ZNF514: variants seen among roughly 807,000 people sequenced by gnomAD.
The protein encoded by ZNF514 is zinc finger protein 514.
ZNF514 carries 12 observed loss-of-function variants against 9.7 expected under a neutral mutation model. That is an observed-to-expected ratio of 1.24 (90% CI 0.79 to 2.01). ZNF514 has a LOEUF of 2.01. Among genes scored for constraint, ZNF514 ranks in the 30% most tolerant of loss-of-function variants. The pLI is 0.00. For synonymous variants in ZNF514, 158 were observed against 163.7 expected (o/e 0.97, Z 0.27); for missense variants, 467 against 465.5 (o/e 1.00, Z -0.03).
At chr2:95,131,274 G>T in the ZNF514 span, among the ~76,000 whole-genome samples, 7 of 152,168 alleles carry the variant, frequency 4.6e-5, no homozygotes, top group Non-Finnish European at 1.0e-4. Context: ...TCATGGATAA[G>T]AATCAAGCAA....
chr2:95,126,060 GTA>G, the ZNF514 span, among the ~76,000 whole-genome samples: 1 of 152,176 alleles, frequency 6.6e-6, no homozygotes, highest in Non-Finnish European at 1.5e-5. Flanking sequence ...TGTGTGGTAA[GTA>G]TATGTTTAGT....
chr2:95,149,917 C>T lies in ZNF514; in HGVS notation c.568G>A (p.Gly190Arg). 1.9e-6 allele frequency: 3 copies of T among 1,614,228 alleles called. No homozygotes were observed. The highest frequency in any genetic ancestry group is 2.5e-6 in the Non-Finnish European group (3 of 1,180,042). Residue 190 changes from glycine to arginine, a missense_variant, in exon 5 of 5, where the codon GGG (glycine) becomes AGG (arginine). Coordinates refer to ENST00000295208, the MANE Select transcript of ZNF514 (RefSeq NM_032788.3). Reference sequence around the variant, plus strand: ...TGGGTTCTCTGAGAGTTGTTTCCCCCTAAAGTCTGCCTGAATTCTGTATCA... The same window carrying T: ...TGGGTTCTCTGAGAGTTGTTTCCCCTTAAAGTCTGCCTGAATTCTGTATCA... ...KCDTEFRQTL[G>R]GNNSQRTHPE...
chr2:95,138,959 G>A, the ZNF514 span, among the ~76,000 whole-genome samples: 1 of 152,366 alleles, frequency 6.6e-6, no homozygotes, highest in African/African-American at 2.4e-5. Context: ...TCAGGACAGT[G>A]CTGCCTATAT....
the ZNF514 span, among the ~76,000 whole-genome samples, chr2:95,130,578 C>G: frequency 6.6e-6 from 1 of 152,216 alleles, no homozygotes; most frequent in African/African-American, 2.4e-5. Flanking sequence ...TGTGCATTCT[C>G]TTTCTCAGGG....
chr2:95,137,419 T>C, the ZNF514 span, among the ~76,000 whole-genome samples: 4 of 152,224 alleles, frequency 2.6e-5, no homozygotes, highest in Non-Finnish European at 5.9e-5. Flanking sequence ...ATATTATCCA[T>C]TATGGTACAT....
the ZNF514 span, among the ~76,000 whole-genome samples, chr2:95,136,971 T>C: frequency 3.9e-5 from 6 of 152,118 alleles, no homozygotes; most frequent in Admixed American, 6.6e-5. Context: ...GACTTTAGGG[T>C]ACTCTAAAAA....
intron 2 of ZNF514, chr2:95,153,680 G>C (rs1326149593): frequency 6.5e-6 from 1 of 154,888 alleles, no homozygotes; most frequent in Admixed American, 6.3e-5. Flanking sequence ...CGTTTGACTA[G>C]CATGATCCTT....
the ZNF514 span, among the ~76,000 whole-genome samples, chr2:95,123,278 T>C: frequency 6.6e-6 from 1 of 152,212 alleles, no homozygotes; most frequent in Admixed American, 6.5e-5. Context: ...CTGAAGTCCA[T>C]CCACATACCT....
At position 95,150,185 on chromosome 2, in the gene ZNF514, CACT is replaced by C; in HGVS notation, c.297_299del (p.Val100del). 6.2e-7 allele frequency: 1 copy of C among 1,608,580 alleles called. No homozygotes were observed. The highest frequency in any genetic ancestry group is 8.5e-7 in the Non-Finnish European group (1 of 1,179,870). ...GCAGCACATCTTGAATGTGTTTTTC[CACT>C]GATACTACCTGGAATAATTCTTCTT... On this transcript the variant is annotated inframe_deletion, in exon 5 of 5. Transcript: ENST00000295208.
chr2:95,157,730 T>C (rs1383742636), intron 1 of ZNF514, among the ~76,000 whole-genome samples: 1 of 152,188 alleles, frequency 6.6e-6, no homozygotes, highest in African/African-American at 2.4e-5. Context: ...GGGCATACTG[T>C]ATGCAGGTCA....
Position 95,149,937 on chromosome 2 carries a change from G to C in ZNF514, c.548C>G (p.Thr183Arg). The C allele has an allele frequency of 6.2e-7, 1 of 1,614,184 alleles. No homozygotes were observed. Among genetic ancestry groups the C allele is most frequent in the Non-Finnish European group, 8.5e-7 (1 of 1,180,030 alleles). ...LMGEGSYKCD[T>R]EFRQTLGGNN... ...TCCCCCTAAAGTCTGCCTGAATTCTGTATCACATTTATAAGATCCTTCTCC... is the reference window on the plus strand; with the variant it reads ...TCCCCCTAAAGTCTGCCTGAATTCTCTATCACATTTATAAGATCCTTCTCC... Residue 183 changes from threonine (T) to arginine (R), a missense_variant, in exon 5 of 5, where the codon ACA (threonine) becomes AGA (arginine). Transcript: ENST00000295208.
downstream of ZNF514, among the ~76,000 whole-genome samples, chr2:95,140,251 G>A (rs779096799): frequency 4.6e-4 from 70 of 152,050 alleles, no homozygotes; most frequent in African/African-American, 1.5e-3. Flanking sequence ...CCTGTACACC[G>A]TGCACATGTA....
At chr2:95,155,211 C>T (rs1484810243) in intron 2 of ZNF514, 1 of 152,198 alleles carries the variant, frequency 6.6e-6, no homozygotes, top group Non-Finnish European at 1.5e-5. Context: ...GTATCATCTT[C>T]ATATGACACC....
At position 95,150,269 on chromosome 2, in the gene ZNF514, T is replaced by C; in HGVS notation, c.218-2A>G. 7.1e-7 allele frequency: 1 copy of C among 1,400,984 alleles called. No individual in the cohort carries two copies. Among genetic ancestry groups the C allele is most frequent in the Non-Finnish European group, 9.1e-7 (1 of 1,094,304 alleles). The allele number at this position is 1,400,984 out of a possible 1,614,324, so 86.8% of individuals were successfully genotyped here. On this transcript the variant is annotated splice_acceptor_variant, in intron 4 of 4. Coordinates refer to ENST00000295208, the MANE Select transcript of ZNF514 (RefSeq NM_032788.3). LOFTEE classifies it high-confidence loss of function. Reference sequence around the variant, plus strand: ...TGGATTTAGACCTTCTCTTCCAGTCTGTTAAAAAAAAAAAAAAAAAAAGAA... The same window carrying C: ...TGGATTTAGACCTTCTCTTCCAGTCCGTTAAAAAAAAAAAAAAAAAAAGAA...
At chr2:95,124,372 A>G in the ZNF514 span, among the ~76,000 whole-genome samples, 1 of 152,202 alleles carries the variant, frequency 6.6e-6, no homozygotes, top group Non-Finnish European at 1.5e-5. Flanking sequence ...AAGTAGTTCC[A>G]TGTACCAATA....
At chr2:95,127,615 T>G in the ZNF514 span, among the ~76,000 whole-genome samples, 4 of 152,274 alleles carry the variant, frequency 2.6e-5, no homozygotes, top group East Asian at 5.8e-4. Context: ...TTTTGTTTTT[T>G]GTGTTTTGTG....
Position 95,159,664 on chromosome 2 carries a change from C to CGG in ZNF514, c.-521_-520insCC, listed in dbSNP as rs1355386261. 1 of 53,732 alleles carries CGG rather than the reference C, an allele frequency of 1.9e-5. No individual in the cohort carries two copies. Among genetic ancestry groups the CGG allele is most frequent in the African/African-American group, 8.7e-5 (1 of 11,470 alleles). 3.3% of individuals were successfully genotyped at this position (53,732 alleles called of 1,614,324 possible). Reference sequence around the variant, plus strand: ...GCCCGCCACCCCGCGCCAGCCCCCGCCCGCCACCCCGCGCCAGCCCCCGCG... The same window carrying CGG: ...GCCCGCCACCCCGCGCCAGCCCCCGCGGCCGCCACCCCGCGCCAGCCCCCGCG... On this transcript the variant is annotated 5_prime_UTR_variant, in exon 1 of 5. Transcript: ENST00000295208.
rs1673415588 is a variant in ZNF514, at chr2:95,148,174, C to T, written c.*1108G>A. On this transcript the variant is annotated 3_prime_UTR_variant, in exon 5 of 5. Transcript: ENST00000295208. ...GTGAACCACAGGAAAGAGGCCCAGC[C>T]CAGTTAGGACTATAGGCCAAGGCAT... is the stretch of plus-strand genomic sequence containing the variant. The T allele has an allele frequency of 6.6e-6, 1 of 152,184 alleles. No homozygotes were observed. Among genetic ancestry groups the T allele is most frequent in the Non-Finnish European group, 1.5e-5 (1 of 68,064 alleles). 9.4% of individuals were successfully genotyped at this position (152,184 alleles called of 1,614,324 possible).
chr2:95,149,622 TA>T lies in ZNF514; in HGVS notation c.862del (p.Tyr288ThrfsTer132). ...HYRFHTGEKP[Y>X]KCNECGRAFG... ...GGCTCGTCCACATTCATTACATTTG[TA>T]GGGTTTCTCTCCAGTGTGAAATCTA... On this transcript the variant is annotated frameshift_variant, in exon 5 of 5. Transcript: ENST00000295208. LOFTEE classifies it low-confidence loss of function (END_TRUNC). 6.2e-7 allele frequency: 1 copy of T among 1,614,210 alleles called. No individual in the cohort carries two copies. Among genetic ancestry groups the T allele is most frequent in the South Asian group, 1.1e-5 (1 of 91,088 alleles).
Sources: allele counts gnomAD v4.1 joint callset (sites outside exome capture counted in the v4.1 genomes callset), GRCh38; gene constraint gnomAD v4.1.1; transcripts MANE v1.5; gene names NCBI Gene and HGNC (gene_info 2026-07-23, HGNC 2026-07-21).